The following NAALADL2 variants were observed in gnomAD, a reference collection of about 807,000 sequenced individuals.
NAALADL2 encodes the protein inactive N-acetylated-alpha-linked acidic dipeptidase-like protein 2.
NAALADL2 carries 76 observed loss-of-function variants against 87.2 expected under a neutral mutation model. The ratio of observed to expected loss-of-function variants is 0.87; its 90% CI spans 0.72 to 1.05. The LOEUF is 1.05. Among genes scored for constraint, NAALADL2 ranks in the 50% least tolerant of loss-of-function variants. NAALADL2 has a pLI of 0.00. For synonymous variants in NAALADL2, 354 were observed against 331.0 expected (o/e 1.07, Z -0.75); for missense variants, 1,089 against 945.8 (o/e 1.15, Z -1.99).
chr3:174,621,628 C>A (rs950080054), intron 2 of NAALADL2, among the ~76,000 whole-genome samples: 7 of 152,066 alleles, frequency 4.6e-5, no homozygotes, highest in Non-Finnish European at 1.0e-4. Flanking sequence ...CAGGACTCAA[C>A]CCTTGTTTCT....
intron 7 of NAALADL2, among the ~76,000 whole-genome samples, chr3:175,463,728 G>GAGAGAGAGACAGAA (rs1241749619): frequency 6.6e-6 from 1 of 151,898 alleles, no homozygotes; most frequent in Non-Finnish European, 1.5e-5. Flanking sequence ...GAGAGAGAGA[G>GAGAGAGAGACAGAA]AGAGAGAGGT....
chr3:175,417,520 T>C (rs984153728), intron 5 of NAALADL2, among the ~76,000 whole-genome samples: 1 of 149,802 alleles, frequency 6.7e-6, no homozygotes, highest in Non-Finnish European at 1.5e-5. Flanking sequence ...GGATAATGAG[T>C]TTTAAAAAAA....
intron 5 of NAALADL2, among the ~76,000 whole-genome samples, chr3:175,334,957 C>G (rs7626533): frequency 1.3e-5 from 2 of 151,968 alleles, no homozygotes. Context: ...GTGTGCCTCC[C>G]CCAGAACGTT....
At chr3:174,836,831 C>G (rs895495515) in intron 3 of NAALADL2, among the ~76,000 whole-genome samples, 1 of 151,452 alleles carries the variant, frequency 6.6e-6, no homozygotes, top group Non-Finnish European at 1.5e-5. Flanking sequence ...CAATCCTTAC[C>G]ACTTCTGACA....
chr3:175,701,797 A>G (rs2149968952), intron 11 of NAALADL2, among the ~76,000 whole-genome samples: 1 of 152,342 alleles, frequency 6.6e-6, no homozygotes, highest in Non-Finnish European at 1.5e-5. Flanking sequence ...GAATGTATTC[A>G]ACAGGATGGC....
chr3:175,349,351 T>C (rs1337623376), intron 5 of NAALADL2, among the ~76,000 whole-genome samples: 1 of 152,088 alleles, frequency 6.6e-6, no homozygotes, highest in Non-Finnish European at 1.5e-5. Context: ...GAGGTGCATG[T>C]ACCAAGGCCA....
intron 1 of NAALADL2, among the ~76,000 whole-genome samples, chr3:174,501,645 A>AT (rs974905653): frequency 3.9e-5 from 6 of 151,952 alleles, no homozygotes; most frequent in African/African-American, 1.4e-4. Context: ...CTTTAAAGGA[A>AT]TTTTTTTCCA....
chr3:175,708,616 C>G (rs1475661031), intron 11 of NAALADL2, among the ~76,000 whole-genome samples: 1 of 147,684 alleles, frequency 6.8e-6, no homozygotes, highest in Non-Finnish European at 1.5e-5. Flanking sequence ...AAAAAAAAAA[C>G]AAGAAGAAAA....
intron 7 of NAALADL2, among the ~76,000 whole-genome samples, chr3:175,464,254 T>A (rs1214664872): frequency 6.6e-6 from 1 of 152,042 alleles, no homozygotes; most frequent in African/African-American, 2.4e-5. Context: ...GCCAAATTTG[T>A]CAAATGTCTG....
At chr3:175,509,225 C>G (rs187744708) in intron 9 of NAALADL2, among the ~76,000 whole-genome samples, 1 of 152,292 alleles carries the variant, frequency 6.6e-6, no homozygotes, top group Admixed American at 6.5e-5. Context: ...TCATGGCACT[C>G]ATGTCCTAGT....
chr3:175,808,309 G>A lies in NAALADL2; in HGVS notation c.*5106G>A, dbSNP rs1184803920. ...CAAGCAGCATTTAGGAAAATGAAGT[G>A]GCTTCAAATTTTAGTGTTTCTGGTT... On this transcript the variant is annotated 3_prime_UTR_variant, in exon 14 of 14. Transcript: ENST00000454872. 1 of 151,830 alleles carries A rather than the reference G, an allele frequency of 6.6e-6. No individual in the cohort carries two copies. Among genetic ancestry groups the A allele is most frequent in the African/African-American group, 2.4e-5 (1 of 41,368 alleles). 9.4% of individuals were successfully genotyped at this position (151,830 alleles called of 1,614,324 possible).
chr3:175,564,843 C>T (rs568010363), intron 9 of NAALADL2, among the ~76,000 whole-genome samples: 7 of 152,168 alleles, frequency 4.6e-5, no homozygotes, highest in Non-Finnish European at 7.3e-5. Context: ...TAGATATGAT[C>T]AGAGTACAGT....
At chr3:174,652,126 A>G (rs1192524360) in intron 2 of NAALADL2, among the ~76,000 whole-genome samples, 1 of 152,174 alleles carries the variant, frequency 6.6e-6, no homozygotes. Context: ...TCCCAGAACA[A>G]GGCCTGCTTT....
At chr3:175,432,449 C>T (rs1243818784) in intron 5 of NAALADL2, among the ~76,000 whole-genome samples, 1 of 152,018 alleles carries the variant, frequency 6.6e-6, no homozygotes, top group Non-Finnish European at 1.5e-5. Context: ...AGTACTTACT[C>T]AGTTTTCTTA....
At chr3:174,972,842 C>A (rs565126298) in intron 1 of NAALADL2, among the ~76,000 whole-genome samples, 7 of 151,624 alleles carry the variant, frequency 4.6e-5, no homozygotes, top group Non-Finnish European at 7.4e-5. Context: ...AAAAAAAATA[C>A]AAAATTAGCC....
At chr3:174,949,815 G>A (rs192584103) in intron 1 of NAALADL2, among the ~76,000 whole-genome samples, 5 of 152,286 alleles carry the variant, frequency 3.3e-5, no homozygotes, top group African/African-American at 7.2e-5. Context: ...ACTGCTATTC[G>A]GAAGAAGAAG....
At chr3:174,574,995 T>C (rs1715368333) in intron 2 of NAALADL2, among the ~76,000 whole-genome samples, 1 of 152,110 alleles carries the variant, frequency 6.6e-6, no homozygotes, top group African/African-American at 2.4e-5. Flanking sequence ...CAAGACTCTT[T>C]GTAGATACAT....
At chr3:175,366,853 CT>C (rs1236231666) in intron 5 of NAALADL2, among the ~76,000 whole-genome samples, 1 of 151,876 alleles carries the variant, frequency 6.6e-6, no homozygotes, top group Non-Finnish European at 1.5e-5. Flanking sequence ...TGCAGAAGCT[CT>C]TTAGTATAAT....
At chr3:174,763,849 A>C (rs1005287126) in intron 3 of NAALADL2, among the ~76,000 whole-genome samples, 2 of 151,942 alleles carry the variant, frequency 1.3e-5, no homozygotes, top group African/African-American at 4.8e-5. Flanking sequence ...AAAACAAACA[A>C]AATTTAAAAA....
Sources: allele counts gnomAD v4.1 joint callset (sites outside exome capture counted in the v4.1 genomes callset), GRCh38; gene constraint gnomAD v4.1.1; transcripts MANE v1.5; gene names NCBI Gene and HGNC (gene_info 2026-07-23, HGNC 2026-07-21).